ZNF536: variants seen among roughly 807,000 people sequenced by gnomAD.
ZNF536 encodes the protein zinc finger protein 536.
Under a neutral mutation model 84.5 loss-of-function variants are expected in ZNF536, and 13 were observed. That is an observed-to-expected ratio of 0.15 (90% CI 0.10 to 0.24). The LOEUF (loss-of-function observed/expected upper bound fraction) is 0.24, where lower values mean the gene tolerates loss of function less well. Ranked by LOEUF, ZNF536 falls within the 10% of genes least tolerant of loss-of-function variation. ZNF536 has a pLI of 1.00. For missense variants in ZNF536, 1,536 were observed against 1,747.5 expected (o/e 0.88, Z 2.16); for synonymous variants, 811 against 742.5 (o/e 1.09, Z -1.50).
intron 2 of ZNF536, among the ~76,000 whole-genome samples, chr19:30,523,862 G>A (rs543714294): frequency 6.6e-5 from 10 of 152,306 alleles, no homozygotes; most frequent in African/African-American, 2.4e-4. Context: ...GGCTAAGGAG[G>A]CATCCCAGCC....
At chr19:30,659,985 G>T (rs1267064345) in intron 1 of ZNF536, among the ~76,000 whole-genome samples, 1 of 150,952 alleles carries the variant, frequency 6.6e-6, no homozygotes, top group Non-Finnish European at 1.5e-5. Context: ...GTGTGTGTTT[G>T]TATGTGTTTA....
At chr19:30,534,708 A>G (rs2044995437) in intron 2 of ZNF536, 139 bp from the exon 3 acceptor site, 3 of 870,980 alleles carry the variant, frequency 3.4e-6, no homozygotes, top group African/African-American at 1.7e-5. Flanking sequence ...ATGAATTGTC[A>G]GCATTCTGTC....
chr19:30,429,758 C>A (rs1272508400), intron 1 of ZNF536, among the ~76,000 whole-genome samples: 1 of 152,132 alleles, frequency 6.6e-6, no homozygotes, highest in Non-Finnish European at 1.5e-5. Context: ...GTCAGAAGGG[C>A]TTACTGAATA....
chr19:30,661,259 TTGAC>T (rs2050112000), intron 1 of ZNF536, among the ~76,000 whole-genome samples: 1 of 152,244 alleles, frequency 6.6e-6, no homozygotes, highest in Non-Finnish European at 1.5e-5. Flanking sequence ...AGAGACTACA[TTGAC>T]TGACTCTCTT....
At chr19:30,516,543 T>C (rs2044080126) in intron 2 of ZNF536, among the ~76,000 whole-genome samples, 1 of 152,156 alleles carries the variant, frequency 6.6e-6, no homozygotes, top group Non-Finnish European at 1.5e-5. Context: ...AAGAAAGCCC[T>C]GGAGGAGATG....
intron 2 of ZNF536, among the ~76,000 whole-genome samples, chr19:30,329,700 G>A (rs1432695202): frequency 3.9e-5 from 6 of 152,152 alleles, no homozygotes; most frequent in Non-Finnish European, 7.3e-5. Context: ...GCACCCAGCT[G>A]TACTATTTGG....
At position 30,586,127 on chromosome 19, in the gene ZNF536, A is replaced by C. The variant is rs10414718; in HGVS notation, c.169+36613A>C. Among the ~76,000 whole-genome samples the C allele has an allele frequency of 4.9e-3, 740 of 152,290 alleles. 6 individuals carry two copies. Among genetic ancestry groups the C allele is most frequent in the African/African-American group, 0.017 (721 of 41,554 alleles). ...TGTATATTTGGGCAAGTTACAAGCT[A>C]TTTCTAAGACTGAGTTTTATCATCC... On this transcript the variant is annotated intron_variant, in intron 1 of 1. Transcript: ENST00000592773.
rs150163688 is a variant in ZNF536, at chr19:30,545,204, G to A, written c.2324-2739G>A. Among the ~76,000 whole-genome samples the A allele has an allele frequency of 1.1e-4, 16 of 152,140 alleles. 1 individual carries two copies. In the East Asian group the frequency reaches 3.1e-3, roughly 29 times the overall value. On this transcript the variant is annotated intron_variant, in intron 3 of 4. Transcript: ENST00000355537. ...AGGCAATTCCAGGATGGTTTTTCAA[G>A]GGATTGTCTTTACATGTCTGCACCA...
At chr19:30,326,134 C>G (rs1040672687) in intron 2 of ZNF536, among the ~76,000 whole-genome samples, 1 of 152,314 alleles carries the variant, frequency 6.6e-6, no homozygotes, top group Non-Finnish European at 1.5e-5. Flanking sequence ...CAGATGGTAA[C>G]CCTTGCTGTG....
At chr19:30,641,697 A>G (rs2049272847) in intron 1 of ZNF536, among the ~76,000 whole-genome samples, 1 of 152,222 alleles carries the variant, frequency 6.6e-6, no homozygotes, top group South Asian at 2.1e-4. Flanking sequence ...CATCAAAGCA[A>G]TGAAATATTT....
chr19:30,699,042 G>T (rs776978263), intron 1 of ZNF536, among the ~76,000 whole-genome samples: 8 of 152,012 alleles, frequency 5.3e-5, no homozygotes, highest in Non-Finnish European at 1.0e-4. Flanking sequence ...TCTACCTTTG[G>T]GTATGGGGGC....
chr19:30,354,577 C>T (rs939271866), intron 3 of ZNF536, among the ~76,000 whole-genome samples: 3 of 152,054 alleles, frequency 2.0e-5, no homozygotes, highest in Non-Finnish European at 4.4e-5. Context: ...ATGCTGTGGG[C>T]CTCCTAGAAG....
chr19:30,466,199 G>C (rs920029732), intron 2 of ZNF536, among the ~76,000 whole-genome samples: 2 of 151,348 alleles, frequency 1.3e-5, no homozygotes, highest in African/African-American at 4.9e-5. Flanking sequence ...TTCCAGCCTG[G>C]GCGACACAAT....
chr19:30,408,087 G>C (rs1349425472), intron 1 of ZNF536, among the ~76,000 whole-genome samples: 2 of 152,176 alleles, frequency 1.3e-5, no homozygotes, highest in Admixed American at 1.3e-4. Flanking sequence ...TTGGAGGTGG[G>C]TTATGAGAAA....
chr19:30,328,308 C>T (rs895406398), intron 2 of ZNF536, among the ~76,000 whole-genome samples: 8 of 152,138 alleles, frequency 5.3e-5, no homozygotes, highest in Non-Finnish European at 8.8e-5. Flanking sequence ...CGGTGGAGGC[C>T]ACACTTGGCC....
At chr19:30,277,530 G>A (rs899770858) in intron 1 of ZNF536, among the ~76,000 whole-genome samples, 4 of 152,186 alleles carry the variant, frequency 2.6e-5, no homozygotes, top group East Asian at 3.9e-4. Context: ...CTTTGGAAGC[G>A]TGTCTGGGCA....
chr19:30,270,829 G>A (rs1463134590), intron 1 of ZNF536, among the ~76,000 whole-genome samples: 1 of 151,558 alleles, frequency 6.6e-6, no homozygotes, highest in South Asian at 2.1e-4. Context: ...TTGAAAGGAT[G>A]GAGACCATTT....
intron 1 of ZNF536, among the ~76,000 whole-genome samples, chr19:30,439,527 A>T (rs2051916038): frequency 6.6e-6 from 1 of 152,182 alleles, no homozygotes; most frequent in Admixed American, 6.5e-5. Context: ...TCTTTCCAGG[A>T]ACTCGTGCTT....
At chr19:30,390,559 G>C (rs1211139839) in intron 1 of ZNF536, among the ~76,000 whole-genome samples, 1 of 152,202 alleles carries the variant, frequency 6.6e-6, no homozygotes, top group Non-Finnish European at 1.5e-5. Context: ...TCCTAGCCAG[G>C]CTCTTTGAGA....
Sources: allele counts gnomAD v4.1 joint callset (sites outside exome capture counted in the v4.1 genomes callset), GRCh38; gene constraint gnomAD v4.1.1; transcripts MANE v1.5; gene names NCBI Gene and HGNC (gene_info 2026-07-23, HGNC 2026-07-21).